The following LRBA variants were observed in gnomAD, a reference collection of about 807,000 sequenced individuals.
LRBA encodes the protein lipopolysaccharide-responsive and beige-like anchor protein.
In LRBA, 176 loss-of-function variants were observed where a neutral mutation model predicts 330.0. The observed-to-expected ratio is 0.53, with a 90% CI of 0.47 to 0.60. LRBA has a LOEUF of 0.60. Ranked by LOEUF, LRBA falls within the 20% of genes least tolerant of loss-of-function variation. The probability of loss-of-function intolerance (pLI) is 0.00; values close to 1 mark genes in which losing one functional copy is unlikely to be tolerated. For synonymous variants in LRBA, 1,230 were observed against 1,193.0 expected (o/e 1.03, Z -0.64); for missense variants, 3,259 against 3,444.8 (o/e 0.95, Z 1.35).
chr4:150,997,218 A>C (rs1211217158), intron 2 of LRBA, among the ~76,000 whole-genome samples: 1 of 152,230 alleles, frequency 6.6e-6, no homozygotes, highest in African/African-American at 2.4e-5. Flanking sequence ...GCAATATGTT[A>C]TGCTAAATGT....
At chr4:150,372,702 A>G (rs1476111371) in intron 47 of LRBA, among the ~76,000 whole-genome samples, 2 of 86,726 alleles carry the variant, frequency 2.3e-5, no homozygotes, top group African/African-American at 3.4e-5. Context: ...TGTAAAAACA[A>G]TATGTTCCTT....
At chr4:150,482,847 A>G (rs1757441361) in intron 42 of LRBA, among the ~76,000 whole-genome samples, 1 of 152,004 alleles carries the variant, frequency 6.6e-6, no homozygotes, top group Non-Finnish European at 1.5e-5. Flanking sequence ...TATCTGTTCA[A>G]AACTTACATT....
At chr4:150,305,298 T>A (rs907536562) in intron 52 of LRBA, among the ~76,000 whole-genome samples, 1 of 152,228 alleles carries the variant, frequency 6.6e-6, no homozygotes, top group Non-Finnish European at 1.5e-5. Context: ...CACATGGTAA[T>A]TCTCATGAGT....
chr4:150,740,788 T>C (rs532928636), intron 35 of LRBA, among the ~76,000 whole-genome samples: 1 of 152,084 alleles, frequency 6.6e-6, no homozygotes, highest in Admixed American at 6.5e-5. Context: ...TTCTGCATAA[T>C]CTGATGAGTT....
chr4:150,351,580 C>G (rs977649216), intron 47 of LRBA, among the ~76,000 whole-genome samples: 3 of 151,648 alleles, frequency 2.0e-5, no homozygotes, highest in African/African-American at 7.3e-5. Flanking sequence ...TCCCAGCTAC[C>G]CGGGAGGCTG....
At chr4:150,678,217 G>A (rs1309414713) in intron 37 of LRBA, among the ~76,000 whole-genome samples, 4 of 151,242 alleles carry the variant, frequency 2.6e-5, no homozygotes, top group Non-Finnish European at 5.9e-5. Context: ...CTCCGGCCTG[G>A]GTGACAGAGT....
intron 40 of LRBA, among the ~76,000 whole-genome samples, chr4:150,558,102 T>C (rs955212816): frequency 6.6e-6 from 1 of 152,172 alleles, no homozygotes; most frequent in Admixed American, 6.6e-5. Flanking sequence ...TTTTGCCACA[T>C]TGGCCAGGCT....
chr4:150,648,619 A>G (rs1010244244), intron 37 of LRBA, among the ~76,000 whole-genome samples: 2 of 151,854 alleles, frequency 1.3e-5, no homozygotes, highest in Non-Finnish European at 2.9e-5. Flanking sequence ...GAGAACCCTT[A>G]AATGCCAACT....
chr4:150,489,554 C>CATAATATATATTATATATAAGAATAA, intron 41 of LRBA, among the ~76,000 whole-genome samples: 1 of 85,016 alleles, frequency 1.2e-5, no homozygotes, highest in Non-Finnish European at 2.1e-5. Context: ...TATAAGAATA[C>CATAATATATATTATATATAAGAATAA]ATAATATATA....
chr4:150,344,880 G>A (rs772521108), intron 48 of LRBA, among the ~76,000 whole-genome samples: 5 of 152,150 alleles, frequency 3.3e-5, no homozygotes, highest in Non-Finnish European at 5.9e-5. Context: ...ATTGAAGACT[G>A]TTTAAGATCT....
intron 33 of LRBA, among the ~76,000 whole-genome samples, chr4:150,800,611 A>G (rs1001089664): frequency 6.6e-6 from 1 of 152,172 alleles, no homozygotes; most frequent in Admixed American, 6.5e-5. Flanking sequence ...CTAAAACCTT[A>G]AAGTCAAGTT....
intron 33 of LRBA, among the ~76,000 whole-genome samples, chr4:150,805,162 T>A (rs1578836807): frequency 8.1e-6 from 1 of 124,058 alleles, no homozygotes; most frequent in Non-Finnish European, 1.6e-5. Flanking sequence ...CAATGCTCCA[T>A]GCGCAAAAAG....
intron 13 of LRBA, among the ~76,000 whole-genome samples, chr4:150,901,127 G>A (rs987861029): frequency 2.6e-5 from 4 of 151,732 alleles, no homozygotes; most frequent in South Asian, 2.1e-4. Flanking sequence ...GTGAAACTTC[G>A]TCTCTACCAA....
intron 22 of LRBA, among the ~76,000 whole-genome samples, chr4:150,860,587 G>A (rs1296762340): frequency 6.6e-6 from 1 of 152,106 alleles, no homozygotes; most frequent in Non-Finnish European, 1.5e-5. Flanking sequence ...CAGCATTTTG[G>A]GAGGCTGAGG....
At chr4:150,266,731 T>C (rs954267120) in intron 56 of LRBA, among the ~76,000 whole-genome samples, 2 of 152,144 alleles carry the variant, frequency 1.3e-5, no homozygotes, top group Non-Finnish European at 2.9e-5. Flanking sequence ...TCCTTATCAG[T>C]CATTAAAGAG....
intron 35 of LRBA, among the ~76,000 whole-genome samples, chr4:150,758,532 A>G (rs1734622064): frequency 6.6e-6 from 1 of 150,522 alleles, no homozygotes; most frequent in African/African-American, 2.5e-5. Flanking sequence ...ATCATGTTTA[A>G]CCAGAATTAC....
intron 2 of LRBA, among the ~76,000 whole-genome samples, chr4:150,993,772 G>A (rs887780769): frequency 1.2e-4 from 18 of 152,030 alleles, no homozygotes; most frequent in Admixed American, 2.6e-4. Context: ...AACAGTATGG[G>A]GGAAACTGCC....
intron 40 of LRBA, among the ~76,000 whole-genome samples, chr4:150,561,278 T>C (rs1477053631): frequency 6.6e-6 from 1 of 152,206 alleles, no homozygotes; most frequent in Non-Finnish European, 1.5e-5. Flanking sequence ...CTAGTAACAC[T>C]GTATTCCTTC....
At chr4:150,484,364 T>C (rs1030281246) in intron 42 of LRBA, among the ~76,000 whole-genome samples, 1 of 151,982 alleles carries the variant, frequency 6.6e-6, no homozygotes, top group Non-Finnish European at 1.5e-5. Context: ...AGATTAACCA[T>C]TTCTTCATTA....
Sources: gnomAD v4.1 joint callset for allele counts (sites outside exome capture counted in the v4.1 genomes callset) on GRCh38, gnomAD v4.1.1 for gene constraint, MANE v1.5 for transcripts, NCBI Gene and HGNC (gene_info 2026-07-23, HGNC 2026-07-21) for gene names.